The following CFAP92 variants were observed in gnomAD, a reference collection of about 807,000 sequenced individuals.
CFAP92 encodes the protein uncharacterized protein CFAP92.
Under a neutral mutation model 106.3 loss-of-function variants are expected in CFAP92, and 86 were observed. The ratio of observed to expected loss-of-function variants is 0.81; its 90% confidence interval spans 0.68 to 0.97. The LOEUF (loss-of-function observed/expected upper bound fraction) is 0.97, where lower values mean the gene tolerates loss of function less well. CFAP92 is among the 50% of genes least tolerant of loss of function. The probability of loss-of-function intolerance (pLI) is 0.00; values close to 1 mark genes in which losing one functional copy is unlikely to be tolerated. For synonymous variants in CFAP92, 477 were observed against 506.4 expected, an observed-to-expected ratio of 0.94 and a Z score of 0.78; for missense variants, 1,204 against 1,283.8, an observed-to-expected ratio of 0.94 and a Z score of 0.95.
At chr3:128,991,032 T>C (rs768679242) in intron 2 of CFAP92, among the ~76,000 whole-genome samples, 1 of 152,308 alleles carries the variant, frequency 6.6e-6, no homozygotes, top group East Asian at 1.9e-4. Flanking sequence ...GGTATTGGCA[T>C]GATAAAAAAA....
chr3:128,944,655 G>A (rs1237028005), intron 10 of CFAP92, among the ~76,000 whole-genome samples: 5 of 152,224 alleles, frequency 3.3e-5, no homozygotes, highest in African/African-American at 4.8e-5. Context: ...TTCACTTCTA[G>A]TGTTCCCACT....
chr3:128,913,080 AAAG>A (rs1936527232), intron 15 of CFAP92: 1 of 453,474 alleles, frequency 2.2e-6, no homozygotes, highest in Non-Finnish European at 4.4e-6. Context: ...ACCATTTAAC[AAAG>A]AATATAAAAT....
chr3:128,923,258 G>A (rs775263687), intron 12 of CFAP92, among the ~76,000 whole-genome samples: 14 of 152,208 alleles, frequency 9.2e-5, no homozygotes, highest in Non-Finnish European at 1.9e-4. Context: ...CGAGCCATGG[G>A]CCAGTTGAAT....
chr3:128,996,124 A>G (rs889239228), upstream of CFAP92, among the ~76,000 whole-genome samples: 8 of 152,188 alleles, frequency 5.3e-5, no homozygotes, highest in Non-Finnish European at 4.4e-5. Context: ...AGGAAGCCCA[A>G]GCAGCCATGT....
intron 4 of CFAP92, among the ~76,000 whole-genome samples, chr3:128,981,813 A>G (rs1208144613): frequency 1.3e-5 from 2 of 152,240 alleles, no homozygotes; most frequent in Admixed American, 1.3e-4. Flanking sequence ...CCTCCATCAG[A>G]GACCTCAGGC....
chr3:128,990,223 A>G (rs1362519842), intron 2 of CFAP92, among the ~76,000 whole-genome samples: 2 of 152,252 alleles, frequency 1.3e-5, no homozygotes, highest in African/African-American at 4.8e-5. Flanking sequence ...TTGCCCAGGC[A>G]AAGTGGCTCA....
chr3:128,932,825 G>C lies in CFAP92; in HGVS notation c.2626C>G (p.Leu876Val). 1 of 1,536,270 alleles carries C rather than the reference G, an allele frequency of 6.5e-7. No individual in the cohort carries two copies. The highest frequency in any genetic ancestry group is 8.7e-7 in the Non-Finnish European group (1 of 1,146,920). Residue 876 changes from leucine to valine, a missense_variant, in exon 12 of 16, where the codon CTT becomes GTT. Physicochemically the swap from Leu to Val is conservative, Grantham distance 32 (BLOSUM62 1). Coordinates refer to ENST00000645291, the MANE Select transcript of CFAP92 (RefSeq NM_001394090.1). ...FALPPQPAPN[L>V]EDYHSRNSTL... Reference sequence around the variant, plus strand: ...GAGTTCCGACTGTGGTAGTCCTCAAGATTGGGGGCAGGCTGAGGTGGTAGG... The same window carrying C: ...GAGTTCCGACTGTGGTAGTCCTCAACATTGGGGGCAGGCTGAGGTGGTAGG...
Position 128,945,113 on chromosome 3 carries a change from G to C in CFAP92, c.2216C>G (p.Ala739Gly). Residue 739 changes from alanine to glycine, a missense_variant, in exon 10 of 16, where the codon GCC (alanine) becomes GGC (glycine). Ala to Gly is a moderately conservative substitution (Grantham distance 60). Coordinates refer to ENST00000645291, the MANE Select transcript of CFAP92 (RefSeq NM_001394090.1). Reference protein sequence around the residue: ...KTHLFILEGLADQGLRQLWEN... With the variant: ...KTHLFILEGLGDQGLRQLWEN... ...CCACAGCTGCCTCAAGCCTTGGTCG[G>C]CCAGGCCTTCCAGGATGAAAAGGTG... is the stretch of plus-strand genomic sequence containing the variant. 2.0e-6 allele frequency: 3 copies of C among 1,534,538 alleles called. No homozygotes were observed. The highest frequency in any genetic ancestry group is 2.6e-6 in the Non-Finnish European group (3 of 1,145,792).
chr3:128,981,288 G>A (rs987957933), intron 4 of CFAP92, among the ~76,000 whole-genome samples: 1 of 151,358 alleles, frequency 6.6e-6, no homozygotes, highest in Non-Finnish European at 1.5e-5. Context: ...TGTCCCCCTC[G>A]GCCTCCCAAA....
intron 12 of CFAP92, among the ~76,000 whole-genome samples, chr3:128,928,259 A>G (rs1218368972): frequency 6.6e-6 from 1 of 152,148 alleles, no homozygotes; most frequent in Non-Finnish European, 1.5e-5. Flanking sequence ...TCCCAAAAAA[A>G]ATAAATAAAC....
intron 12 of CFAP92, among the ~76,000 whole-genome samples, chr3:128,922,698 A>G (rs1254383643): frequency 6.6e-6 from 1 of 152,236 alleles, no homozygotes; most frequent in Non-Finnish European, 1.5e-5. Context: ...AGTTTTTCAA[A>G]GTTCCTTGAT....
chr3:129,002,185 C>A lies in CFAP92; in HGVS notation n.117+389G>T, dbSNP rs1257156370. Reference sequence around the variant, plus strand: ...CGTCCGCGCCGCCGCCGCCGCCCGCCCTGCGCGCCTGGCCCCGACAGCGGT... The same window carrying A: ...CGTCCGCGCCGCCGCCGCCGCCCGCACTGCGCGCCTGGCCCCGACAGCGGT... On this transcript the variant is annotated intron_variant and non_coding_transcript_variant, in intron 1 of 4. Transcript: ENST00000510149. 4 of 1,495,376 alleles carry A rather than the reference C, an allele frequency of 2.7e-6. No individual in the cohort carries two copies. The African/African-American group carries it at 4.4e-5, about 16-fold the overall frequency. 92.6% of individuals were successfully genotyped at this position (1,495,376 alleles called of 1,614,324 possible).
intron 4 of CFAP92, among the ~76,000 whole-genome samples, chr3:128,979,705 C>A (rs1202717187): frequency 4.0e-5 from 6 of 151,786 alleles, no homozygotes; most frequent in East Asian, 3.9e-4. Context: ...GACAAAAAAA[C>A]CAAACACCGC....
At chr3:129,014,840 C>T in the CFAP92 span, among the ~76,000 whole-genome samples, 9 of 152,206 alleles carry the variant, frequency 5.9e-5, no homozygotes, top group South Asian at 6.2e-4. This position sits in a 1 kb window ranked among gnomAD's most constrained non-coding sequence, Gnocchi z 4.3. Flanking sequence ...GCCTGGATGC[C>T]GAGGGGCCAG....
At chr3:128,988,980 C>A in intron 2 of CFAP92, 62 bp from the exon 3 acceptor site, 2 of 1,300,312 alleles carry the variant, frequency 1.5e-6, no homozygotes, top group African/African-American at 1.5e-5. Context: ...GACCCGTCTC[C>A]CCAGTTCCCT....
chr3:128,956,977 C>CAAAAAAAA (rs766884799), intron 9 of CFAP92, among the ~76,000 whole-genome samples: 12 of 28,580 alleles, frequency 4.2e-4, no homozygotes, highest in African/African-American at 5.3e-4. Flanking sequence ...CAGACTCTCT[C>CAAAAAAAA]AAAAAAAAAA....
Position 128,993,179 on chromosome 3 carries a change from C to T in CFAP92, c.126G>A (p.Arg42=), listed in dbSNP as rs755058210. The change falls in exon 2 of 16, where the codon AGG becomes AGA. Residue 42 remains arginine, a synonymous_variant. Coordinates refer to ENST00000645291, the MANE Select transcript of CFAP92 (RefSeq NM_001394090.1). ...GGCGGTCAGAGTCAGACTCCTGGGC[C>T]CTGGCCTTGGCCTTCAGGTGTTCCT... is the stretch of plus-strand genomic sequence containing the variant. ...DVEEHLKAKA[R]AQESDSDRPC... The T allele has an allele frequency of 9.3e-6, 15 of 1,613,938 alleles. No individual in the cohort carries two copies. The East Asian group carries it at 1.3e-4, about 14-fold the overall frequency.
chr3:128,993,003 C>CT (rs751480729), intron 2 of CFAP92, 40 bp downstream of exon 2: 24 of 1,608,776 alleles, frequency 1.5e-5, no homozygotes, highest in Middle Eastern at 1.7e-4. Context: ...CATGCACCTC[C>CT]TTTTTTCAGA....
chr3:128,932,802 G>T lies in CFAP92; in HGVS notation c.2649C>A (p.Asn883Lys). Residue 883 changes from asparagine to lysine, a missense_variant, in exon 12 of 16, where the codon AAC becomes AAA. Transcript: ENST00000645291. ...APNLEDYHSR[N>K]STLTLEIHAH... ...CGTGGATCTCTAAGGTGAGGGTGGA[G>T]TTCCGACTGTGGTAGTCCTCAAGAT... 1 of 1,536,256 alleles carries T rather than the reference G, an allele frequency of 6.5e-7. No homozygotes were observed. The highest frequency in any genetic ancestry group is 8.7e-7 in the Non-Finnish European group (1 of 1,146,930).
Sources: allele counts gnomAD v4.1 joint callset (sites outside exome capture counted in the v4.1 genomes callset), GRCh38; gene constraint gnomAD v4.1.1; non-coding constraint Gnocchi (gnomAD v3.1); transcripts MANE v1.5; gene names NCBI Gene and HGNC (gene_info 2026-07-23, HGNC 2026-07-21).